RIN3: variants seen among roughly 807,000 people sequenced by gnomAD.
RIN3 encodes the protein RAB5 interacting protein 3.
In RIN3, 54 loss-of-function variants were observed where a neutral mutation model predicts 76.3. That is an observed-to-expected ratio of 0.71 (90% CI 0.57 to 0.89). The LOEUF is 0.89. Ranked by LOEUF, RIN3 falls within the 40% of genes least tolerant of loss-of-function variation. The probability of loss-of-function intolerance (pLI) is 0.00; values close to 1 mark genes in which losing one functional copy is unlikely to be tolerated. For synonymous variants in RIN3, 576 were observed against 564.0 expected, an observed-to-expected ratio of 1.02 and a Z score of -0.30; for missense variants, 1,256 against 1,322.1, an observed-to-expected ratio of 0.95 and a Z score of 0.78.
At chr14:92,668,684 C>T (rs1056342613) in intron 7 of RIN3, among the ~76,000 whole-genome samples, 14 of 152,144 alleles carry the variant, frequency 9.2e-5, no homozygotes, top group East Asian at 1.9e-4. Context: ...ATCTGTGCAG[C>T]GGACAGTTCA....
At chr14:92,641,140 C>A in intron 4 of RIN3, 98 bp from the exon 5 acceptor site, 1 of 932,430 alleles carries the variant, frequency 1.1e-6, no homozygotes, top group Non-Finnish European at 1.7e-6. Flanking sequence ...TATGGAGACC[C>A]TGGCAGCCAG....
intron 4 of RIN3, among the ~76,000 whole-genome samples, chr14:92,624,484 C>T (rs922070823): frequency 1.3e-5 from 2 of 152,114 alleles, no homozygotes. Context: ...GCTTTAGAAC[C>T]GCTAGCGGGA....
chr14:92,586,407 T>A (rs1350930350), intron 3 of RIN3: 3 of 152,252 alleles, frequency 2.0e-5, no homozygotes, highest in African/African-American at 7.2e-5. Flanking sequence ...CATAGAGGTT[T>A]TGGCTAAAAT....
At chr14:92,650,346 T>C (rs1887368483) in intron 5 of RIN3, among the ~76,000 whole-genome samples, 1 of 152,170 alleles carries the variant, frequency 6.6e-6, no homozygotes, top group African/African-American at 2.4e-5. Flanking sequence ...CTTACCCTCA[T>C]CTGTGAACTG....
chr14:92,632,889 T>A (rs11627441), intron 4 of RIN3, among the ~76,000 whole-genome samples: 22,761 of 151,830 alleles, frequency 0.15, 1,853 homozygotes, highest in Middle Eastern at 0.18. Context: ...GCATAATGGG[T>A]GGGAGGTAAA....
chr14:92,593,419 C>T (rs1040859443), intron 3 of RIN3, among the ~76,000 whole-genome samples: 2 of 151,528 alleles, frequency 1.3e-5, no homozygotes, highest in African/African-American at 4.9e-5. Context: ...ATGCTGTCTA[C>T]AAGAAACCCA....
chr14:92,545,934 GT>G (rs71123357), intron 1 of RIN3, among the ~76,000 whole-genome samples: 23,929 of 131,276 alleles, frequency 0.18, 2,126 homozygotes, highest in African/African-American at 0.25. Context: ...TCTTTTCTTT[GT>G]TTTTTTTTGA....
chr14:92,572,125 G>T (rs1000987940), intron 2 of RIN3, among the ~76,000 whole-genome samples: 1 of 152,226 alleles, frequency 6.6e-6, no homozygotes, highest in Non-Finnish European at 1.5e-5. Context: ...TTGACTTAGG[G>T]TTTTCTGTGT....
At chr14:92,614,585 C>A (rs549754966) in intron 3 of RIN3, among the ~76,000 whole-genome samples, 1 of 151,922 alleles carries the variant, frequency 6.6e-6, no homozygotes, top group Non-Finnish European at 1.5e-5. Flanking sequence ...GTGGGAGGGA[C>A]CTGGTGGGAG....
intron 5 of RIN3, among the ~76,000 whole-genome samples, chr14:92,650,312 G>A (rs1288414694): frequency 6.6e-6 from 1 of 152,208 alleles, no homozygotes; most frequent in Non-Finnish European, 1.5e-5. Flanking sequence ...GACACAGGGC[G>A]AGTGCTTTCA....
intron 3 of RIN3, among the ~76,000 whole-genome samples, chr14:92,603,263 A>C (rs12590978): frequency 1.3e-5 from 2 of 152,142 alleles, no homozygotes; most frequent in African/African-American, 4.8e-5. Context: ...ACAGCCAGCA[A>C]AAGAGAAAGG....
chr14:92,588,159 G>A (rs950866296), intron 3 of RIN3, among the ~76,000 whole-genome samples: 4 of 148,728 alleles, frequency 2.7e-5, no homozygotes, highest in East Asian at 3.9e-4. Context: ...CATCATGTTG[G>A]CCATTAAGTT....
chr14:92,541,097 A>G (rs1887558), intron 1 of RIN3, among the ~76,000 whole-genome samples: 34,724 of 152,142 alleles, frequency 0.23, 4,223 homozygotes, highest in African/African-American at 0.3. Context: ...GAACCTGGAG[A>G]AGGAAAGTGA....
At chr14:92,550,005 G>A (rs190161374) in intron 1 of RIN3, among the ~76,000 whole-genome samples, 129 of 152,316 alleles carry the variant, frequency 8.5e-4, no homozygotes, top group Non-Finnish European at 1.3e-3. Flanking sequence ...CAGAGTGGCC[G>A]GCTCTGCCAA....
At chr14:92,678,548 G>C (rs1888558972) in intron 8 of RIN3, among the ~76,000 whole-genome samples, 1 of 114,514 alleles carries the variant, frequency 8.7e-6, no homozygotes, top group Non-Finnish European at 1.7e-5. Context: ...ATTCACTCAT[G>C]CACCCATCCA....
chr14:92,544,802 A>G (rs996189329), intron 1 of RIN3, among the ~76,000 whole-genome samples: 1 of 152,092 alleles, frequency 6.6e-6, no homozygotes, highest in Non-Finnish European at 1.5e-5. Flanking sequence ...GTTAATTCCT[A>G]TCACTTTGCC....
intron 4 of RIN3, among the ~76,000 whole-genome samples, chr14:92,635,069 G>A (rs140071958): frequency 5.9e-5 from 9 of 152,234 alleles, no homozygotes; most frequent in African/African-American, 1.9e-4. Context: ...GTGTTCAGGC[G>A]GAGGCCCCAC....
At chr14:92,631,606 G>A (rs1002157955) in intron 4 of RIN3, among the ~76,000 whole-genome samples, 4 of 151,694 alleles carry the variant, frequency 2.6e-5, no homozygotes, top group East Asian at 1.9e-4. Flanking sequence ...TTTTTTTGGC[G>A]GCGGCGGGAG....
chr14:92,572,505 A>C (rs927984194), intron 2 of RIN3, among the ~76,000 whole-genome samples: 2 of 151,890 alleles, frequency 1.3e-5, no homozygotes, highest in Non-Finnish European at 2.9e-5. Context: ...CAATTATTAG[A>C]GAGACAGTTA....
Sources: gnomAD v4.1 joint callset for allele counts (sites outside exome capture counted in the v4.1 genomes callset) on GRCh38, gnomAD v4.1.1 for gene constraint, MANE v1.5 for transcripts, NCBI Gene and HGNC (gene_info 2026-07-23, HGNC 2026-07-21) for gene names.